SGCZ: variants seen among roughly 807,000 people sequenced by gnomAD.
The protein encoded by SGCZ is zeta-sarcoglycan.
Under a neutral mutation model 41.3 loss-of-function variants are expected in SGCZ, and 40 were observed. That is an observed-to-expected ratio of 0.97 (90% CI 0.75 to 1.26). The LOEUF is 1.26. Ranked by LOEUF, SGCZ falls within the 50% of genes most tolerant of loss-of-function variation. The pLI, the probability that SGCZ is intolerant of heterozygous loss-of-function variation, is 0.00. For synonymous variants in SGCZ, 206 were observed against 137.5 expected, an observed-to-expected ratio of 1.50 and a Z score of -3.49; for missense variants, 552 against 369.8, an observed-to-expected ratio of 1.49 and a Z score of -4.04.
At chr8:14,644,181 T>C (rs899536021) in intron 1 of SGCZ, among the ~76,000 whole-genome samples, 1 of 151,718 alleles carries the variant, frequency 6.6e-6, no homozygotes, top group Non-Finnish European at 1.5e-5. Context: ...CAAGCACCCA[T>C]CTAGATATTG....
At chr8:14,687,095 G>A (rs1048099040) in intron 1 of SGCZ, among the ~76,000 whole-genome samples, 2 of 150,396 alleles carry the variant, frequency 1.3e-5, no homozygotes, top group African/African-American at 4.9e-5. Context: ...CATTATTTCA[G>A]TGGCCATAAA....
At chr8:14,290,905 C>T (rs772233261) in intron 3 of SGCZ, among the ~76,000 whole-genome samples, 2 of 152,112 alleles carry the variant, frequency 1.3e-5, no homozygotes, top group Non-Finnish European at 2.9e-5. Context: ...TATATAGTAA[C>T]AGTATTCACC....
intron 5 of SGCZ, among the ~76,000 whole-genome samples, chr8:14,131,582 C>T (rs1366083916): frequency 6.6e-6 from 1 of 151,974 alleles, no homozygotes; most frequent in East Asian, 1.9e-4. Context: ...TTGTTTTTGC[C>T]AGCTTGATTA....
intron 1 of SGCZ, among the ~76,000 whole-genome samples, chr8:15,228,150 A>C (rs1801835049): frequency 6.6e-6 from 1 of 152,362 alleles, no homozygotes; most frequent in East Asian, 1.9e-4. Context: ...GAAATAAATG[A>C]AACAAATACG....
chr8:14,974,091 T>C (rs1194898167), intron 1 of SGCZ, among the ~76,000 whole-genome samples: 1 of 152,226 alleles, frequency 6.6e-6, no homozygotes, highest in Non-Finnish European at 1.5e-5. Flanking sequence ...AGCAAATCTT[T>C]TTACTTGTTG....
chr8:14,090,843 G>C (rs762612989), intron 7 of SGCZ, among the ~76,000 whole-genome samples: 1 of 151,966 alleles, frequency 6.6e-6, no homozygotes, highest in East Asian at 1.9e-4. Flanking sequence ...GGGAGATGGT[G>C]CATTCTGACA....
intron 1 of SGCZ, among the ~76,000 whole-genome samples, chr8:14,917,206 C>T (rs1799462362): frequency 6.6e-6 from 1 of 152,080 alleles, no homozygotes; most frequent in Non-Finnish European, 1.5e-5. Context: ...GGAGGCTCAC[C>T]ACAATCTGAT....
At chr8:15,058,114 A>G (rs1235109357) in intron 1 of SGCZ, among the ~76,000 whole-genome samples, 19 of 152,220 alleles carry the variant, frequency 1.2e-4, no homozygotes, top group Non-Finnish European at 2.5e-4. Context: ...AGATGGAGCT[A>G]TCACATTTTA....
Position 14,441,620 on chromosome 8 carries a change from C to G in SGCZ, c.234+113112G>C, listed in dbSNP as rs115225945. ...AAAAGATAAAATGATCATTTCATTT[C>G]TGGAGTTAGAGTTCTCCTCTCAAGG... On this transcript the variant is annotated intron_variant, in intron 2 of 7. Coordinates refer to ENST00000382080, the MANE Select transcript of SGCZ (RefSeq NM_139167.4). 6.0e-3 allele frequency among the ~76,000 whole-genome samples: 914 copies of G among 152,242 alleles called. 12 individuals are homozygous for G. The highest frequency in any genetic ancestry group is 0.021 in the African/African-American group (885 of 41,536).
chr8:14,662,739 G>T (rs1024549700), intron 1 of SGCZ, among the ~76,000 whole-genome samples: 4 of 152,134 alleles, frequency 2.6e-5, no homozygotes, highest in African/African-American at 9.7e-5. Flanking sequence ...AAGATGGGGA[G>T]ATTATCCTGC....
intron 1 of SGCZ, among the ~76,000 whole-genome samples, chr8:14,620,675 G>C (rs1344215956): frequency 2.0e-5 from 3 of 152,104 alleles, no homozygotes; most frequent in Middle Eastern, 3.2e-3. Context: ...GCAGCCAACA[G>C]ACACATGAAA....
chr8:14,819,333 G>A (rs111583631), intron 1 of SGCZ, among the ~76,000 whole-genome samples: 11 of 152,068 alleles, frequency 7.2e-5, no homozygotes, highest in African/African-American at 2.2e-4. Context: ...CTTCATTTAC[G>A]ACGGACAGTT....
intron 2 of SGCZ, among the ~76,000 whole-genome samples, chr8:14,462,005 C>A (rs1379472226): frequency 6.6e-6 from 1 of 152,012 alleles, no homozygotes; most frequent in Non-Finnish European, 1.5e-5. Context: ...AAATTTACCT[C>A]ATTCAATTAT....
At chr8:15,185,244 C>T (rs1191729780) in intron 1 of SGCZ, among the ~76,000 whole-genome samples, 2 of 152,166 alleles carry the variant, frequency 1.3e-5, no homozygotes, top group African/African-American at 4.8e-5. Context: ...CAGGATACTC[C>T]TGAAAATTTC....
At chr8:14,483,510 A>G (rs767655311) in intron 2 of SGCZ, among the ~76,000 whole-genome samples, 7 of 152,212 alleles carry the variant, frequency 4.6e-5, no homozygotes, top group Non-Finnish European at 8.8e-5. Context: ...AGTCAAGGCT[A>G]TAGTGAACTG....
intron 1 of SGCZ, among the ~76,000 whole-genome samples, chr8:15,060,229 T>C (rs1804869332): frequency 6.6e-6 from 1 of 152,108 alleles, no homozygotes; most frequent in Non-Finnish European, 1.5e-5. Flanking sequence ...CATATGTTTA[T>C]TGCAGCACTA....
At chr8:14,099,032 C>A (rs1025879735) in intron 7 of SGCZ, among the ~76,000 whole-genome samples, 3 of 152,066 alleles carry the variant, frequency 2.0e-5, no homozygotes, top group Non-Finnish European at 4.4e-5. Flanking sequence ...TATAAAAAGT[C>A]ATTTTTTATA....
chr8:15,113,475 T>C (rs1475074315), intron 1 of SGCZ, among the ~76,000 whole-genome samples: 1 of 152,118 alleles, frequency 6.6e-6, no homozygotes, highest in Non-Finnish European at 1.5e-5. Flanking sequence ...TGTTTTCTCT[T>C]TCCCTGCTTC....
chr8:14,530,230 A>T (rs1174778844), intron 2 of SGCZ, among the ~76,000 whole-genome samples: 1 of 152,030 alleles, frequency 6.6e-6, no homozygotes, highest in Non-Finnish European at 1.5e-5. Flanking sequence ...TTTAAAAAAA[A>T]TATACTACCC....
Sources: allele counts gnomAD v4.1 joint callset (sites outside exome capture counted in the v4.1 genomes callset), GRCh38; gene constraint gnomAD v4.1.1; transcripts MANE v1.5; gene names NCBI Gene and HGNC (gene_info 2026-07-23, HGNC 2026-07-21).